SGCZ: variants seen among roughly 807,000 people sequenced by gnomAD.
SGCZ encodes sarcoglycan zeta, also known as zeta-sarcoglycan.
In SGCZ, 40 loss-of-function variants were observed where a neutral mutation model predicts 41.3. That is an observed-to-expected ratio of 0.97 (90% CI 0.75 to 1.26). SGCZ has a LOEUF of 1.26. Among genes scored for constraint, SGCZ ranks in the 50% most tolerant of loss-of-function variants. The probability of loss-of-function intolerance (pLI) is 0.00; values close to 1 mark genes in which losing one functional copy is unlikely to be tolerated. For missense variants in SGCZ, 552 were observed against 369.8 expected, an observed-to-expected ratio of 1.49 and a Z score of -4.04; for synonymous variants, 206 against 137.5, an observed-to-expected ratio of 1.50 and a Z score of -3.49.
intron 2 of SGCZ, among the ~76,000 whole-genome samples, chr8:14,345,817 C>T (rs7000337): frequency 0.42 from 64,001 of 151,882 alleles, 13,927 homozygotes; most frequent in African/African-American, 0.54. Flanking sequence ...CAAACTCCAT[C>T]CCTTCCTACT....
At chr8:14,231,866 T>G (rs563196676) in intron 4 of SGCZ, among the ~76,000 whole-genome samples, 1 of 152,104 alleles carries the variant, frequency 6.6e-6, no homozygotes, top group East Asian at 1.9e-4. Context: ...ACATTTCCTT[T>G]TACCCCTTTA....
At chr8:14,967,232 C>G (rs1801151495) in intron 1 of SGCZ, among the ~76,000 whole-genome samples, 1 of 152,104 alleles carries the variant, frequency 6.6e-6, no homozygotes, top group Non-Finnish European at 1.5e-5. Context: ...CAGTATATCC[C>G]TGGTGGTGTC....
chr8:14,625,502 A>G (rs533881725), intron 1 of SGCZ, among the ~76,000 whole-genome samples: 1 of 152,332 alleles, frequency 6.6e-6, no homozygotes, highest in African/African-American at 2.4e-5. Flanking sequence ...GACTATATGG[A>G]AGGGAAAATA....
At position 14,295,859 on chromosome 8, in the gene SGCZ, T is replaced by C. The variant is rs551938471; in HGVS notation, c.336+28244A>G. 3.9e-5 allele frequency among the ~76,000 whole-genome samples: 6 copies of C among 152,260 alleles called. No homozygotes were observed. The South Asian group carries it at 1.2e-3, about 32-fold the overall frequency. ...GGTAGGGTACTGCACAGGAGGGAAC[T>C]GCACAGAGAAAGAGCCTCACAATTC... On this transcript the variant is annotated intron_variant, in intron 3 of 7. Transcript: ENST00000382080.
At chr8:14,403,961 G>A (rs374356129) in intron 2 of SGCZ, among the ~76,000 whole-genome samples, 1 of 152,078 alleles carries the variant, frequency 6.6e-6, no homozygotes, top group Non-Finnish European at 1.5e-5. Context: ...AGAGAAATGA[G>A]TATTTCAGCT....
intron 4 of SGCZ, among the ~76,000 whole-genome samples, chr8:14,203,490 A>T (rs940568822): frequency 6.6e-6 from 1 of 152,106 alleles, no homozygotes; most frequent in African/African-American, 2.4e-5. Context: ...TCTCCCACTC[A>T]TATGTATTTA....
At chr8:14,974,824 G>C (rs1801411757) in intron 1 of SGCZ, among the ~76,000 whole-genome samples, 1 of 150,596 alleles carries the variant, frequency 6.6e-6, no homozygotes, top group Non-Finnish European at 1.5e-5. Flanking sequence ...AATTCAACTG[G>C]GTGAAAACAT....
intron 4 of SGCZ, among the ~76,000 whole-genome samples, chr8:14,191,648 G>C (rs1805106640): frequency 2.0e-5 from 3 of 152,176 alleles, no homozygotes; most frequent in South Asian, 4.1e-4. Context: ...GAGCTGGCCA[G>C]TTGGTTATAT....
chr8:15,127,356 T>G (rs575340820), intron 1 of SGCZ, among the ~76,000 whole-genome samples: 71 of 152,194 alleles, frequency 4.7e-4, no homozygotes, highest in African/African-American at 1.7e-3. Context: ...GAGACAGCAT[T>G]CAGCAGAGCA....
intron 3 of SGCZ, among the ~76,000 whole-genome samples, chr8:14,279,240 A>G (rs1800340936): frequency 6.6e-6 from 1 of 152,074 alleles, no homozygotes; most frequent in Non-Finnish European, 1.5e-5. Flanking sequence ...TTGAGAATTT[A>G]GATTAAAAAA....
chr8:15,238,189 A>C lies in SGCZ; in HGVS notation c.-566T>G, dbSNP rs1802206763. ...ATCCCCGAAGTCCTGCATAGACTTA[A>C]AAAATGTCTTGTAGCTGAGAGGTAT... On this transcript the variant is annotated 5_prime_UTR_variant, in exon 1 of 8. Coordinates refer to ENST00000382080, the MANE Select transcript of SGCZ (RefSeq NM_139167.4). 1 of 152,416 alleles carries C rather than the reference A, an allele frequency of 6.6e-6. No homozygotes were observed. The highest frequency in any genetic ancestry group is 2.4e-5 in the African/African-American group (1 of 41,462). The allele number at this position is 152,416 out of a possible 1,614,324, so 9.4% of individuals were successfully genotyped here.
At chr8:14,825,430 T>C (rs1585294872) in intron 1 of SGCZ, among the ~76,000 whole-genome samples, 1 of 152,324 alleles carries the variant, frequency 6.6e-6, no homozygotes, top group African/African-American at 2.4e-5. Context: ...AATCGTTTCA[T>C]CATTTTTAGA....
At chr8:14,260,498 G>A (rs1010536586) in intron 3 of SGCZ, among the ~76,000 whole-genome samples, 6 of 146,328 alleles carry the variant, frequency 4.1e-5, no homozygotes, top group South Asian at 2.2e-4. Context: ...CACTGTTGGC[G>A]GGACTGTAAA....
intron 3 of SGCZ, among the ~76,000 whole-genome samples, chr8:14,284,705 C>T (rs905560436): frequency 6.6e-6 from 1 of 152,098 alleles, no homozygotes; most frequent in Admixed American, 6.5e-5. Context: ...CACCTTGTTA[C>T]TCAAACCAAT....
chr8:15,062,079 G>A (rs10111568), intron 1 of SGCZ, among the ~76,000 whole-genome samples: 5 of 151,932 alleles, frequency 3.3e-5, no homozygotes, highest in Non-Finnish European at 7.4e-5. Context: ...AGTTGAAAGA[G>A]TAAAAATTTT....
intron 1 of SGCZ, among the ~76,000 whole-genome samples, chr8:15,187,126 G>C (rs926841484): frequency 2.0e-5 from 3 of 152,096 alleles, no homozygotes; most frequent in Non-Finnish European, 2.9e-5. Flanking sequence ...TCTACTAGCT[G>C]ATTCTTGAAT....
chr8:14,493,096 TGC>T (rs1801888148), intron 2 of SGCZ, among the ~76,000 whole-genome samples: 1 of 152,062 alleles, frequency 6.6e-6, no homozygotes, highest in Non-Finnish European at 1.5e-5. Context: ...TTACTCAAAA[TGC>T]AAATACAATT....
intron 3 of SGCZ, among the ~76,000 whole-genome samples, chr8:14,277,245 T>C (rs1435114889): frequency 1.3e-5 from 2 of 152,174 alleles, no homozygotes; most frequent in African/African-American, 4.8e-5. Flanking sequence ...TTCACTTTTA[T>C]CCTCGTAAAG....
At chr8:14,699,869 A>C (rs1275823647) in intron 1 of SGCZ, among the ~76,000 whole-genome samples, 2 of 151,998 alleles carry the variant, frequency 1.3e-5, no homozygotes, top group Non-Finnish European at 2.9e-5. Context: ...AACACCACTA[A>C]TCATTAGAGA....
Sources: allele counts gnomAD v4.1 joint callset (sites outside exome capture counted in the v4.1 genomes callset), GRCh38; gene constraint gnomAD v4.1.1; transcripts MANE v1.5; gene names NCBI Gene and HGNC (gene_info 2026-07-23, HGNC 2026-07-21).